Variants in RTN1 observed in about 807,000 individuals in gnomAD.
The protein encoded by RTN1 is reticulon-1.
Under a neutral mutation model 65.5 loss-of-function variants are expected in RTN1, and 25 were observed. The observed-to-expected ratio is 0.38, with a 90% CI of 0.28 to 0.53. The LOEUF is 0.53. Ranked by LOEUF, RTN1 falls within the 20% of genes least tolerant of loss-of-function variation. The pLI is 0.79. For missense variants in RTN1, 983 were observed against 1,025.4 expected (o/e 0.96, Z 0.57); for synonymous variants, 471 against 447.6 (o/e 1.05, Z -0.66).
intron 1 of RTN1, among the ~76,000 whole-genome samples, chr14:59,780,542 T>C (rs1886135374): frequency 6.6e-6 from 1 of 152,172 alleles, no homozygotes; most frequent in Admixed American, 6.6e-5. Flanking sequence ...AGAAAAAATA[T>C]GGAGCATAAT....
chr14:59,681,753 A>G (rs954177218), intron 3 of RTN1, among the ~76,000 whole-genome samples: 1 of 152,130 alleles, frequency 6.6e-6, no homozygotes, highest in African/African-American at 2.4e-5. Context: ...GTGTTCCACT[A>G]AGCAGCCTTC....
intron 3 of RTN1, chr14:59,610,128 G>T (rs1427792076): frequency 1.3e-6 from 1 of 777,288 alleles, no homozygotes; most frequent in South Asian, 1.4e-5. Flanking sequence ...ATACCTGGTA[G>T]AAATGGCATG....
At chr14:59,799,676 G>A (rs1886503613) in intron 1 of RTN1, among the ~76,000 whole-genome samples, 1 of 152,198 alleles carries the variant, frequency 6.6e-6, no homozygotes, top group Non-Finnish European at 1.5e-5. Context: ...TTTGGAAAAG[G>A]GCAGGAGAGC....
intron 1 of RTN1, among the ~76,000 whole-genome samples, chr14:59,804,643 T>C (rs1383487059): frequency 6.6e-6 from 1 of 152,146 alleles, no homozygotes. Context: ...AGTATGTTGA[T>C]AAATGGTTGG....
At chr14:59,862,436 A>G (rs144671926) in intron 1 of RTN1, among the ~76,000 whole-genome samples, 6 of 152,218 alleles carry the variant, frequency 3.9e-5, no homozygotes, top group African/African-American at 1.4e-4. Flanking sequence ...CTTCTCAGTA[A>G]TAGTACCCCT....
chr14:59,801,640 A>C (rs2139601573), intron 1 of RTN1, among the ~76,000 whole-genome samples: 1 of 152,306 alleles, frequency 6.6e-6, no homozygotes, highest in East Asian at 1.9e-4. Context: ...TAAATTATGA[A>C]ATTTCATATA....
intron 3 of RTN1, among the ~76,000 whole-genome samples, chr14:59,698,650 A>G (rs12590419): frequency 0.63 from 95,871 of 152,044 alleles, 30,412 homozygotes; most frequent in South Asian, 0.72. Flanking sequence ...TCTTCCTTGC[A>G]TTCTGCCATG....
In RTN1 at chr14:59,819,408, A is replaced by ACCCCCCCC. The variant is rs1566737409; in HGVS notation, c.241+50981_241+50982insGGGGGGGG. Among the ~76,000 whole-genome samples, 2 of 18,758 alleles carry ACCCCCCCC rather than the reference A, an allele frequency of 1.1e-4. 1 individual carries two copies. Among genetic ancestry groups the ACCCCCCCC allele is most frequent in the African/African-American group, 1.2e-3 (2 of 1,614 alleles). 12.3% of individuals were successfully genotyped at this position (18,758 alleles called of 152,430 possible). A position where few individuals can be genotyped will look rare whatever the true frequency, so the allele number is the denominator to read the frequency against. ...GAGAGCTGATTGGTGCATCCACACCACCACCACCCCCCCCCCACCCCCCAC... is the reference window on the plus strand; with the variant it reads ...GAGAGCTGATTGGTGCATCCACACCACCCCCCCCCCACCACCCCCCCCCCACCCCCCAC... On this transcript the variant is annotated intron_variant, in intron 1 of 8. Transcript: ENST00000267484.
In RTN1 at chr14:59,794,157, G is replaced by T. The variant is rs1032994288; in HGVS notation, c.242-47676C>A. Among the ~76,000 whole-genome samples, 35 of 152,300 alleles carry T rather than the reference G, an allele frequency of 2.3e-4. No homozygotes were observed. Among genetic ancestry groups the T allele is most frequent in the African/African-American group, 7.9e-4 (33 of 41,574 alleles). ...TAATACCCCAAAGATAAGTCAGTAA[G>T]TGTATGGTATTATCTTGGCCGTAAT... is the stretch of plus-strand genomic sequence containing the variant. On this transcript the variant is annotated intron_variant, in intron 1 of 8. Transcript: ENST00000267484. The surrounding 1 kb of genome is among the most constrained non-coding windows in gnomAD (Gnocchi z 5.1).
At chr14:59,749,218 ATCTATATATC>A (rs1885313507) in intron 1 of RTN1, among the ~76,000 whole-genome samples, 1 of 84,924 alleles carries the variant, frequency 1.2e-5, no homozygotes, top group African/African-American at 9.0e-5. Context: ...ATCTATATAT[ATCTATATATC>A]TATATATATC....
At chr14:59,751,649 G>T (rs762831305) in intron 1 of RTN1, among the ~76,000 whole-genome samples, 2 of 152,126 alleles carry the variant, frequency 1.3e-5, no homozygotes, top group African/African-American at 2.4e-5. Context: ...GGTTTCCAAG[G>T]CTGTATCTCA....
chr14:59,772,970 T>C (rs1456076870), intron 1 of RTN1, among the ~76,000 whole-genome samples: 1 of 152,182 alleles, frequency 6.6e-6, no homozygotes, highest in Non-Finnish European at 1.5e-5. Flanking sequence ...CATCATTCTT[T>C]GCATTCTTTT....
At chr14:59,708,417 T>G (rs1884345133) in intron 3 of RTN1, among the ~76,000 whole-genome samples, 1 of 152,264 alleles carries the variant, frequency 6.6e-6, no homozygotes, top group Admixed American at 6.5e-5. Flanking sequence ...TTGCATAAGG[T>G]GTAAACACAC....
At chr14:59,626,152 T>C (rs1189576397) in intron 3 of RTN1, among the ~76,000 whole-genome samples, 2 of 152,192 alleles carry the variant, frequency 1.3e-5, no homozygotes, top group Non-Finnish European at 2.9e-5. Context: ...AAAGGCATGC[T>C]TTTTTTCAAT....
intron 1 of RTN1, among the ~76,000 whole-genome samples, chr14:59,749,821 TTATATATATCTA>T (rs1885399170): frequency 9.3e-6 from 1 of 107,390 alleles, no homozygotes; most frequent in African/African-American, 3.9e-5. Flanking sequence ...ATATGTATAT[TTATATATATCTA>T]TATGTATATT....
chr14:59,783,902 C>T (rs1379460675), intron 1 of RTN1, among the ~76,000 whole-genome samples: 2 of 141,826 alleles, frequency 1.4e-5, no homozygotes, highest in Non-Finnish European at 3.0e-5. Flanking sequence ...TATAATTTTC[C>T]AATCTGGGGG....
intron 3 of RTN1, among the ~76,000 whole-genome samples, chr14:59,693,387 A>G (rs1883999926): frequency 6.6e-6 from 1 of 152,080 alleles, no homozygotes; most frequent in East Asian, 1.9e-4. Context: ...TTGGGGGAAC[A>G]GGTGGTGTTT....
At chr14:59,703,487 T>G (rs936606069) in intron 3 of RTN1, among the ~76,000 whole-genome samples, 8 of 152,184 alleles carry the variant, frequency 5.3e-5, no homozygotes, top group African/African-American at 7.2e-5. Context: ...GATTGGAAGC[T>G]TCCTGAGGCC....
intron 3 of RTN1, among the ~76,000 whole-genome samples, chr14:59,622,171 A>G (rs1882272615): frequency 6.6e-6 from 1 of 152,136 alleles, no homozygotes; most frequent in Non-Finnish European, 1.5e-5. Context: ...CCCTGTGTCT[A>G]CTAAAAATAC....
Sources: allele counts gnomAD v4.1 joint callset (sites outside exome capture counted in the v4.1 genomes callset), GRCh38; gene constraint gnomAD v4.1.1; non-coding constraint Gnocchi (gnomAD v3.1); transcripts MANE v1.5; gene names NCBI Gene and HGNC (gene_info 2026-07-23, HGNC 2026-07-21).